The following GPC5 variants were observed in gnomAD, a reference collection of about 807,000 sequenced individuals.
The protein encoded by GPC5 is glypican-5.
GPC5 carries 47 observed loss-of-function variants against 53.9 expected under a neutral mutation model. The observed-to-expected ratio is 0.87, with a 90% CI of 0.69 to 1.11. The LOEUF is 1.11. Ranked by LOEUF, GPC5 falls within the 50% of genes most tolerant of loss-of-function variation. The pLI, the probability that GPC5 is intolerant of heterozygous loss-of-function variation, is 0.00. For missense variants in GPC5, 748 were observed against 713.1 expected, an observed-to-expected ratio of 1.05 and a Z score of -0.56; for synonymous variants, 286 against 263.3, an observed-to-expected ratio of 1.09 and a Z score of -0.84.
intron 7 of GPC5, among the ~76,000 whole-genome samples, chr13:92,510,342 A>G (rs1221204963): frequency 6.6e-6 from 1 of 152,156 alleles, no homozygotes; most frequent in Non-Finnish European, 1.5e-5. Context: ...CTAATAACTT[A>G]ACAACCTCTT....
chr13:92,376,134 A>G (rs2043692064), intron 7 of GPC5, among the ~76,000 whole-genome samples: 1 of 152,184 alleles, frequency 6.6e-6, no homozygotes, highest in Non-Finnish European at 1.5e-5. Flanking sequence ...GGCTCTGTCT[A>G]TGGAGTACTA....
intron 5 of GPC5, among the ~76,000 whole-genome samples, chr13:91,900,838 A>G (rs2039490809): frequency 6.6e-6 from 1 of 152,066 alleles, no homozygotes; most frequent in African/African-American, 2.4e-5. Flanking sequence ...TTAGTTTTTC[A>G]TGTGAAAATA....
intron 7 of GPC5, among the ~76,000 whole-genome samples, chr13:92,551,416 A>T (rs777735307): frequency 6.0e-5 from 9 of 150,438 alleles, no homozygotes; most frequent in African/African-American, 2.2e-4. Flanking sequence ...GAAAAAAAAA[A>T]TCTTGAATAA....
intron 7 of GPC5, among the ~76,000 whole-genome samples, chr13:92,384,453 G>A (rs1003384993): frequency 6.6e-6 from 1 of 151,692 alleles, no homozygotes; most frequent in Non-Finnish European, 1.5e-5. Flanking sequence ...TTAAGACACA[G>A]TATGACTTAA....
chr13:91,939,070 GT>G (rs934693955), intron 6 of GPC5, among the ~76,000 whole-genome samples: 17 of 151,784 alleles, frequency 1.1e-4, no homozygotes, highest in Admixed American at 1.1e-3. Context: ...AAAAATCCCT[GT>G]TTTTTGTTTT....
chr13:92,175,807 C>A (rs1186950262), intron 7 of GPC5, among the ~76,000 whole-genome samples: 1 of 152,090 alleles, frequency 6.6e-6, no homozygotes, highest in East Asian at 1.9e-4. Context: ...AAAAACATCT[C>A]CCTACAGCCA....
At chr13:92,166,185 G>A (rs1330986) in intron 7 of GPC5, among the ~76,000 whole-genome samples, 20,656 of 152,080 alleles carry the variant, frequency 0.14, 1,657 homozygotes, top group Admixed American at 0.18. Context: ...TATGCTTCAT[G>A]TACAGCAAAG....
chr13:91,973,031 G>A (rs1002332512), intron 6 of GPC5, among the ~76,000 whole-genome samples: 1 of 152,082 alleles, frequency 6.6e-6, no homozygotes, highest in Admixed American at 6.6e-5. Context: ...TAGATTGGGG[G>A]AGTTCTCCTG....
intron 7 of GPC5, chr13:92,448,501 A>T: frequency 6.8e-6 from 1 of 146,352 alleles, no homozygotes; most frequent in Admixed American, 6.9e-5. Flanking sequence ...ATCTACTGTA[A>T]TATTATGAGA....
intron 5 of GPC5, among the ~76,000 whole-genome samples, chr13:91,798,074 G>A (rs555633940): frequency 1.3e-5 from 2 of 152,262 alleles, no homozygotes; most frequent in South Asian, 2.1e-4. Flanking sequence ...ATAATCAGAA[G>A]AGTATGATGA....
At chr13:91,579,629 T>TC (rs1566524405) in intron 2 of GPC5, among the ~76,000 whole-genome samples, 1 of 82,426 alleles carries the variant, frequency 1.2e-5, no homozygotes, top group African/African-American at 5.7e-5. Flanking sequence ...TTTTTCTTTT[T>TC]TTTTTTTTTT....
At chr13:92,475,102 G>A (rs919285340) in intron 7 of GPC5, among the ~76,000 whole-genome samples, 1 of 152,102 alleles carries the variant, frequency 6.6e-6, no homozygotes, top group Non-Finnish European at 1.5e-5. Flanking sequence ...AACAAATTTA[G>A]CATTGAAAAT....
intron 7 of GPC5, among the ~76,000 whole-genome samples, chr13:92,822,490 C>T (rs1877707611): frequency 6.6e-6 from 1 of 152,072 alleles, no homozygotes; most frequent in African/African-American, 2.4e-5. Flanking sequence ...AAAATATCTT[C>T]ACCTCATTAC....
chr13:91,853,905 T>G (rs909436604), intron 5 of GPC5, among the ~76,000 whole-genome samples: 1 of 151,970 alleles, frequency 6.6e-6, no homozygotes, highest in African/African-American at 2.4e-5. Flanking sequence ...TATGTTCCAA[T>G]CAGTGAGAAC....
At chr13:91,600,428 G>A (rs1195406277) in intron 2 of GPC5, among the ~76,000 whole-genome samples, 1 of 151,636 alleles carries the variant, frequency 6.6e-6, no homozygotes, top group East Asian at 1.9e-4. Flanking sequence ...CCTGCAGTGA[G>A]CCGAGATTGT....
At chr13:92,121,626 AT>A (rs952341342) in intron 6 of GPC5, among the ~76,000 whole-genome samples, 15 of 152,106 alleles carry the variant, frequency 9.9e-5, no homozygotes, top group African/African-American at 3.6e-4. Flanking sequence ...ATCCATGGTG[AT>A]TTTTGGAAAA....
chr13:92,622,107 C>T (rs193263479), intron 7 of GPC5, among the ~76,000 whole-genome samples: 38 of 152,268 alleles, frequency 2.5e-4, no homozygotes, highest in African/African-American at 8.9e-4. Flanking sequence ...CAGCTTCCAG[C>T]CCTCTGGCTC....
intron 7 of GPC5, among the ~76,000 whole-genome samples, chr13:92,771,850 A>G (rs1197224289): frequency 1.3e-5 from 2 of 152,132 alleles, no homozygotes; most frequent in Non-Finnish European, 2.9e-5. Context: ...GTTCAATCTT[A>G]CATATATTAT....
intron 2 of GPC5, among the ~76,000 whole-genome samples, chr13:91,562,238 AT>A (rs1258015757): frequency 6.6e-6 from 1 of 150,600 alleles, no homozygotes; most frequent in East Asian, 1.9e-4. Context: ...AATGCAGGTA[AT>A]AAGGGTAAAA....
Sources: allele counts gnomAD v4.1 joint callset (sites outside exome capture counted in the v4.1 genomes callset), GRCh38; gene constraint gnomAD v4.1.1; transcripts MANE v1.5; gene names NCBI Gene and HGNC (gene_info 2026-07-23, HGNC 2026-07-21).